Variants in PEBP4 observed in about 807,000 individuals in gnomAD.
PEBP4 encodes phosphatidylethanolamine-binding protein 4.
A neutral mutation model predicts 23.9 loss-of-function variants in PEBP4; 22 were observed. The observed-to-expected ratio is 0.92, with a 90% CI of 0.66 to 1.31. The LOEUF (loss-of-function observed/expected upper bound fraction) is 1.31, where lower values mean the gene tolerates loss of function less well. Ranked by LOEUF, PEBP4 falls within the 40% of genes most tolerant of loss-of-function variation. PEBP4 has a pLI of 0.00. For synonymous variants in PEBP4, 112 were observed against 99.3 expected, an observed-to-expected ratio of 1.13 and a Z score of -0.76; for missense variants, 324 against 281.7, an observed-to-expected ratio of 1.15 and a Z score of -1.07.
rs137872556 is a variant in PEBP4, at chr8:22,936,177, A to G, written c.145-8457T>C. On this transcript the variant is annotated intron_variant, in intron 1 of 1. Coordinates refer to the PEBP4 transcript ENST00000522278. ...CAGTAAAATTGACACTATCAGCCAG[A>G]TTAATTAAAAAACAGAGAAGACTCA... 4.3e-3 allele frequency among the ~76,000 whole-genome samples: 660 copies of G among 152,096 alleles called. 4 individuals are homozygous for G. Among genetic ancestry groups the G allele is most frequent in the African/African-American group, 0.015 (635 of 41,568 alleles).
chr8:22,777,787 T>C (rs1585267127), intron 4 of PEBP4, among the ~76,000 whole-genome samples: 1 of 152,100 alleles, frequency 6.6e-6, no homozygotes, highest in Non-Finnish European at 1.5e-5. Context: ...AGGATAACCT[T>C]GTAGGAGGCA....
intron 3 of PEBP4, chr8:22,885,923 A>T (rs955788913): frequency 2.0e-5 from 3 of 152,120 alleles, no homozygotes; most frequent in Non-Finnish European, 2.9e-5. Context: ...CTAGTCACAG[A>T]CCGCCTGCAG....
intron 4 of PEBP4, among the ~76,000 whole-genome samples, chr8:22,789,295 T>G (rs1806089150): frequency 6.6e-6 from 1 of 152,148 alleles, no homozygotes; most frequent in African/African-American, 2.4e-5. Flanking sequence ...TATAGAATTT[T>G]AGAAGCGGAA....
chr8:22,828,756 T>C (rs938220804), intron 3 of PEBP4, among the ~76,000 whole-genome samples: 1 of 152,228 alleles, frequency 6.6e-6, no homozygotes, highest in Admixed American at 6.5e-5. Context: ...TTCGTGTCCT[T>C]GAGTCTTGCT....
chr8:22,874,265 AATT>A (rs1225680221), intron 3 of PEBP4, among the ~76,000 whole-genome samples: 25 of 152,200 alleles, frequency 1.6e-4, no homozygotes, highest in Non-Finnish European at 1.5e-5. Context: ...GAGGAAAAAA[AATT>A]ATTATTTCAA....
intron 3 of PEBP4, among the ~76,000 whole-genome samples, chr8:22,853,591 CTTCCTGCCTCA>C (rs1437871440): frequency 6.6e-6 from 1 of 152,220 alleles, no homozygotes; most frequent in Non-Finnish European, 1.5e-5. Context: ...GGAACCAGGG[CTTCCTGCCTCA>C]GTCCTGACCT....
intron 4 of PEBP4, among the ~76,000 whole-genome samples, chr8:22,773,359 A>C (rs1318730628): frequency 6.6e-6 from 1 of 152,172 alleles, no homozygotes; most frequent in Non-Finnish European, 1.5e-5. Flanking sequence ...GGACAGTTTC[A>C]ATATGGTGGA....
intron 4 of PEBP4, among the ~76,000 whole-genome samples, chr8:22,743,542 G>C (rs999623076): frequency 6.6e-6 from 1 of 152,194 alleles, no homozygotes; most frequent in Non-Finnish European, 1.5e-5. Context: ...TGTTTGGAGT[G>C]GGGGCTAAAT....
intron 3 of PEBP4, chr8:22,887,116 G>A (rs55725035): frequency 0.15 from 19,015 of 128,060 alleles, 1,277 homozygotes; most frequent in African/African-American, 0.2. Flanking sequence ...GTGTGTGTGT[G>A]TATGTGTGTG....
rs558880745 is a variant in PEBP4, at chr8:22,879,816, G to GA, written c.258+40367dup. ...CTGAGATCTAAGCATTGATCGATGG[G>GA]AGTTTTAATTACCAAAATTTCTCCA... On this transcript the variant is annotated intron_variant, in intron 3 of 6. Transcript: ENST00000256404. Among the ~76,000 whole-genome samples, 32 of 152,296 alleles carry GA rather than the reference G, an allele frequency of 2.1e-4. No homozygotes were observed. In the East Asian group the frequency reaches 2.3e-3, roughly 11 times the overall value.
chr8:22,856,843 G>T (rs536662210), intron 3 of PEBP4, among the ~76,000 whole-genome samples: 1 of 152,010 alleles, frequency 6.6e-6, no homozygotes, highest in East Asian at 1.9e-4. Flanking sequence ...AAAGATTTAG[G>T]CCTCAGTTTT....
chr8:22,819,898 G>A (rs576030386), intron 3 of PEBP4, among the ~76,000 whole-genome samples: 8 of 152,250 alleles, frequency 5.3e-5, no homozygotes, highest in Admixed American at 2.6e-4. Context: ...GAGCCACCGC[G>A]CCCAGCCCAA....
intron 3 of PEBP4, among the ~76,000 whole-genome samples, chr8:22,889,720 G>C (rs755343394): frequency 8.6e-5 from 13 of 151,100 alleles, no homozygotes; most frequent in Non-Finnish European, 1.3e-4. Flanking sequence ...TTTTTAAAAG[G>C]CCGGTAAATA....
chr8:22,797,504 G>A (rs1806288765), intron 4 of PEBP4, among the ~76,000 whole-genome samples: 1 of 152,122 alleles, frequency 6.6e-6, no homozygotes, highest in African/African-American at 2.4e-5. Context: ...TGGCCTTTAA[G>A]CAGGGTTGGG....
chr8:22,901,314 T>C (rs560151339), intron 3 of PEBP4, among the ~76,000 whole-genome samples: 15 of 152,236 alleles, frequency 9.9e-5, no homozygotes, highest in Middle Eastern at 3.4e-3. Context: ...AAAATCACCA[T>C]TGGCTTATTA....
Position 22,793,433 on chromosome 8 carries a change from ATTTTTT to A in PEBP4, c.357+24198_357+24203del, listed in dbSNP as rs11315221. ...AGGCATGCACCACCACGCCCAGCTC[ATTTTTT>A]TTTTTTTTTTTTTGTATTTTTAGTA... On this transcript the variant is annotated intron_variant, in intron 4 of 6. Transcript: ENST00000256404. 3.2e-4 allele frequency among the ~76,000 whole-genome samples: 38 copies of A among 120,332 alleles called. No homozygotes were observed. The East Asian group carries it at 4.4e-3, about 14-fold the overall frequency. The allele number at this position is 120,332 out of a possible 152,430, so 78.9% of individuals were successfully genotyped here. A position where few individuals can be genotyped will look rare whatever the true frequency, so the allele number is the denominator to read the frequency against.
intron 4 of PEBP4, among the ~76,000 whole-genome samples, chr8:22,776,124 G>GGGGC (rs1805809498): frequency 6.6e-6 from 1 of 152,188 alleles, no homozygotes; most frequent in African/African-American, 2.4e-5. Flanking sequence ...GTAATACTTA[G>GGGGC]AAAGCCTCGT....
chr8:22,906,103 C>T (rs1188666142), intron 3 of PEBP4, among the ~76,000 whole-genome samples: 2 of 152,176 alleles, frequency 1.3e-5, no homozygotes, highest in Non-Finnish European at 2.9e-5. Context: ...GAACCTGGGG[C>T]TCTCCAGAGA....
chr8:22,905,283 T>TA (rs1563256021), intron 3 of PEBP4, among the ~76,000 whole-genome samples: 48 of 147,864 alleles, frequency 3.2e-4, no homozygotes, highest in African/African-American at 9.8e-4. Context: ...TCCTTTTTTT[T>TA]TAAAAAAAAA....
Sources: gnomAD v4.1 joint callset for allele counts (sites outside exome capture counted in the v4.1 genomes callset) on GRCh38, gnomAD v4.1.1 for gene constraint, MANE v1.5 for transcripts, NCBI Gene and HGNC (gene_info 2026-07-23, HGNC 2026-07-21) for gene names.